The following SGCZ variants were observed in gnomAD, a reference collection of about 807,000 sequenced individuals.
The protein encoded by SGCZ is sarcoglycan zeta.
In SGCZ, 40 loss-of-function variants were observed where a neutral mutation model predicts 41.3. That is an observed-to-expected ratio of 0.97 (90% confidence interval 0.75 to 1.26). The LOEUF is 1.26. SGCZ is among the 50% of genes most tolerant of loss of function. The probability of loss-of-function intolerance (pLI) is 0.00; values close to 1 mark genes in which losing one functional copy is unlikely to be tolerated. For synonymous variants in SGCZ, 206 were observed against 137.5 expected (o/e 1.50, Z -3.49); for missense variants, 552 against 369.8 (o/e 1.49, Z -4.04).
At chr8:14,951,743 T>A (rs1800648494) in intron 1 of SGCZ, among the ~76,000 whole-genome samples, 1 of 152,084 alleles carries the variant, frequency 6.6e-6, no homozygotes. Context: ...GAACATGAGA[T>A]CTTAACTTTA....
chr8:15,121,800 A>G, intron 1 of SGCZ, among the ~76,000 whole-genome samples: 1 of 152,046 alleles, frequency 6.6e-6, no homozygotes, highest in East Asian at 1.9e-4. Context: ...GGTTTTGAAA[A>G]CAGTGCCAAT....
chr8:14,223,116 A>G (rs1385952998), intron 4 of SGCZ, among the ~76,000 whole-genome samples: 3 of 151,938 alleles, frequency 2.0e-5, no homozygotes, highest in Non-Finnish European at 4.4e-5. Flanking sequence ...GGCCCGTCAC[A>G]GAGGTTTTAA....
chr8:15,090,792 C>A (rs1312185487), intron 1 of SGCZ, among the ~76,000 whole-genome samples: 3 of 152,086 alleles, frequency 2.0e-5, no homozygotes, highest in Non-Finnish European at 4.4e-5. Context: ...TGTTTTCATG[C>A]CAAACAGGTG....
chr8:14,472,231 T>C (rs1455256675), intron 2 of SGCZ, among the ~76,000 whole-genome samples: 1 of 152,096 alleles, frequency 6.6e-6, no homozygotes, highest in East Asian at 1.9e-4. Context: ...TTTGAAATGA[T>C]GGAAAAACAT....
intron 1 of SGCZ, among the ~76,000 whole-genome samples, chr8:14,772,461 G>T (rs961156467): frequency 6.6e-6 from 1 of 150,978 alleles, no homozygotes; most frequent in African/African-American, 2.4e-5. Context: ...AAGTTTTAGG[G>T]TACATGTGCA....
At chr8:14,449,039 A>C (rs1442509679) in intron 2 of SGCZ, among the ~76,000 whole-genome samples, 1 of 152,154 alleles carries the variant, frequency 6.6e-6, no homozygotes, top group Non-Finnish European at 1.5e-5. Context: ...AAGTGAAAGG[A>C]CTTATGCTCT....
At chr8:14,172,543 C>T (rs1478268315) in intron 4 of SGCZ, among the ~76,000 whole-genome samples, 2 of 152,118 alleles carry the variant, frequency 1.3e-5, no homozygotes, top group African/African-American at 4.8e-5. Flanking sequence ...CTTATTTTCT[C>T]ATGTAAACAG....
chr8:14,330,604 A>C lies in SGCZ; in HGVS notation c.235-6400T>G, dbSNP rs546158867. On this transcript the variant is annotated intron_variant, in intron 2 of 7. Coordinates refer to ENST00000382080, the MANE Select transcript of SGCZ (RefSeq NM_139167.4). ...CTGTTTAAATTTTAAATTTAAATTT[A>C]AAATGACTGTTTAAATTTAAATTTA... Among the ~76,000 whole-genome samples, 183 of 151,900 alleles carry C rather than the reference A, an allele frequency of 1.2e-3. 1 individual carries two copies. Among genetic ancestry groups the C allele is most frequent in the African/African-American group, 4.3e-3 (178 of 41,568 alleles).
At chr8:14,844,077 G>C (rs1563309830) in intron 1 of SGCZ, among the ~76,000 whole-genome samples, 1 of 151,602 alleles carries the variant, frequency 6.6e-6, no homozygotes, top group Non-Finnish European at 1.5e-5. Context: ...TATTTATACA[G>C]TTGACCCTTG....
intron 1 of SGCZ, among the ~76,000 whole-genome samples, chr8:14,834,748 G>T (rs1284303971): frequency 6.6e-6 from 1 of 152,152 alleles, no homozygotes; most frequent in East Asian, 1.9e-4. Context: ...GAAGCGTACA[G>T]AATATTTGGA....
chr8:15,053,609 T>A (rs1804599199), intron 1 of SGCZ, among the ~76,000 whole-genome samples: 1 of 152,122 alleles, frequency 6.6e-6, no homozygotes, highest in Non-Finnish European at 1.5e-5. Context: ...TGAGATTTAC[T>A]AATCATAAAA....
intron 1 of SGCZ, among the ~76,000 whole-genome samples, chr8:14,901,985 C>G (rs1798985725): frequency 6.6e-6 from 1 of 152,156 alleles, no homozygotes; most frequent in African/African-American, 2.4e-5. Flanking sequence ...CACTCACTAA[C>G]TGGTATAACA....
intron 5 of SGCZ, among the ~76,000 whole-genome samples, chr8:14,110,211 C>T (rs950386250): frequency 1.3e-5 from 2 of 151,948 alleles, no homozygotes; most frequent in African/African-American, 4.8e-5. Context: ...ATTTGTATAT[C>T]TCAAAGAGAG....
chr8:14,689,355 AAAAC>A (rs1808724721), intron 1 of SGCZ, among the ~76,000 whole-genome samples: 2 of 152,186 alleles, frequency 1.3e-5, no homozygotes, highest in East Asian at 3.9e-4. Context: ...TGGTAAGTAA[AAAAC>A]AAATACATTG....
intron 1 of SGCZ, among the ~76,000 whole-genome samples, chr8:15,087,563 G>A (rs1313419959): frequency 1.3e-5 from 2 of 152,094 alleles, no homozygotes; most frequent in East Asian, 1.9e-4. Context: ...GGATAAAGTT[G>A]TGACCACTGA....
intron 2 of SGCZ, among the ~76,000 whole-genome samples, chr8:14,407,615 T>C (rs1318038302): frequency 2.6e-5 from 4 of 152,174 alleles, no homozygotes; most frequent in African/African-American, 9.7e-5. Context: ...TATAAAAATA[T>C]AATTCATAAC....
chr8:14,767,347 T>C (rs11994604), intron 1 of SGCZ, among the ~76,000 whole-genome samples: 8,581 of 152,272 alleles, frequency 0.056, 812 homozygotes, highest in African/African-American at 0.2. Context: ...AAAGTAAGTT[T>C]AGATAATAAG....
intron 4 of SGCZ, among the ~76,000 whole-genome samples, chr8:14,208,924 T>G (rs1805706039): frequency 6.6e-6 from 1 of 152,110 alleles, no homozygotes; most frequent in Non-Finnish European, 1.5e-5. Context: ...CCCAAATTAT[T>G]TCCATTTCTA....
At chr8:14,913,337 C>T (rs1381100822) in intron 1 of SGCZ, among the ~76,000 whole-genome samples, 5 of 152,134 alleles carry the variant, frequency 3.3e-5, no homozygotes, top group African/African-American at 1.2e-4. Flanking sequence ...CAGAACAACA[C>T]TGTCTTAATT....
Sources: allele counts gnomAD v4.1 joint callset (sites outside exome capture counted in the v4.1 genomes callset), GRCh38; gene constraint gnomAD v4.1.1; transcripts MANE v1.5; gene names NCBI Gene and HGNC (gene_info 2026-07-23, HGNC 2026-07-21).